PUM3: variants seen among roughly 807,000 people sequenced by gnomAD.
The protein encoded by PUM3 is pumilio RNA binding family member 3.
In PUM3, 91 loss-of-function variants were observed where a neutral mutation model predicts 84.0. That is an observed-to-expected ratio of 1.08 (90% CI 0.91 to 1.29). The LOEUF is 1.29. Ranked by LOEUF, PUM3 falls within the 50% of genes most tolerant of loss-of-function variation. The pLI is 0.00. For missense variants in PUM3, 1,067 were observed against 767.5 expected (o/e 1.39, Z -4.61); for synonymous variants, 321 against 266.7 (o/e 1.20, Z -1.98).
Position 2,838,523 on chromosome 9 carries a change from A to G in PUM3, c.-10-6T>C. 1 of 1,511,396 alleles carries G rather than the reference A, an allele frequency of 6.6e-7. No individual in the cohort carries two copies. The highest frequency in any genetic ancestry group is 9.2e-7 in the Non-Finnish European group (1 of 1,086,654). The allele number at this position is 1,511,396 out of a possible 1,614,324, so 93.6% of individuals were successfully genotyped here. A position where few individuals can be genotyped will look rare whatever the true frequency, so the allele number is the denominator to read the frequency against. On this transcript the variant is annotated splice_polypyrimidine_tract_variant and splice_region_variant and intron_variant, in intron 1 of 17. Transcript: ENST00000397885. The stretch of plus-strand genomic sequence containing the variant: ...TAACTTCCATCGTAGCAACTCTGGA[A>G]AACCAAAACCAAAACCAAAAACAAT...
chr9:2,832,737 G>C (rs1816018303), intron 5 of PUM3, among the ~76,000 whole-genome samples: 1 of 152,130 alleles, frequency 6.6e-6, no homozygotes, highest in Non-Finnish European at 1.5e-5. Context: ...CTGTAATATA[G>C]CATCTGGTTA....
In PUM3 at chr9:2,840,338, G is replaced by C. The variant is rs1233531658; in HGVS notation, c.-10-1821C>G. ...AATTAAGCTCCACTTCCCAGAAGGA[G>C]GGGTACTAAAGAATCCAGGCATACG... On this transcript the variant is annotated intron_variant, in intron 1 of 17. Transcript: ENST00000397885. Among the ~76,000 whole-genome samples the C allele has an allele frequency of 2.0e-5, 3 of 152,186 alleles. No individual in the cohort carries two copies. The South Asian group carries it at 6.2e-4, about 32-fold the overall frequency.
At chr9:2,843,705 A>C (rs1466730635) in intron 1 of PUM3, among the ~76,000 whole-genome samples, 1 of 150,838 alleles carries the variant, frequency 6.6e-6, no homozygotes, top group Non-Finnish European at 1.5e-5. Context: ...CAGCCTCCCA[A>C]GTAGCTGGGA....
intron 16 of PUM3, among the ~76,000 whole-genome samples, chr9:2,808,488 T>G (rs1365661370): frequency 6.6e-6 from 1 of 152,236 alleles, no homozygotes; most frequent in African/African-American, 2.4e-5. Flanking sequence ...TATTATCTTT[T>G]TCACTTTGCA....
rs567834624 is a variant in PUM3 at position 2,819,925 on chromosome 9, C to T, written c.1269+93G>A. ...AAAATACTGATAGAAGGCACAGCTG[C>T]AAGTCTTTACACATGCATGGTGAAA... is the stretch of plus-strand genomic sequence containing the variant. On this transcript the variant is annotated intron_variant, in intron 13 of 17. Transcript: ENST00000397885. 4.1e-6 allele frequency: 3 copies of T among 729,828 alleles called. No homozygotes were observed. In the African/African-American group the frequency reaches 5.2e-5, roughly 13 times the overall value. 45.2% of individuals were successfully genotyped at this position (729,828 alleles called of 1,614,324 possible). A position where few individuals can be genotyped will look rare whatever the true frequency, so the allele number is the denominator to read the frequency against.
At chr9:2,834,696 T>C (rs1474091610) in intron 3 of PUM3, among the ~76,000 whole-genome samples, 3 of 152,210 alleles carry the variant, frequency 2.0e-5, no homozygotes, top group Admixed American at 6.5e-5. Flanking sequence ...TTGAGCTCTC[T>C]ATCTGAGGCC....
chr9:2,815,289 C>T (rs1821448531), intron 13 of PUM3, among the ~76,000 whole-genome samples: 1 of 152,324 alleles, frequency 6.6e-6, no homozygotes, highest in Admixed American at 6.5e-5. Flanking sequence ...TTCCCCAGCT[C>T]ACCCTCGTTA....
At position 2,837,099 on chromosome 9, in the gene PUM3, G is replaced by A. The variant is rs535203102; in HGVS notation, c.304+81C>T. The A allele has an allele frequency of 9.4e-6, 11 of 1,164,164 alleles. No homozygotes were observed. The African/African-American group carries it at 1.7e-4, about 18-fold the overall frequency. 72.1% of individuals were successfully genotyped at this position (1,164,164 alleles called of 1,614,324 possible). ...ATGTTACCTGCCAAGGAATAAGAAT[G>A]TGAGGTTTCTAACGCACCTCCAGAG... On this transcript the variant is annotated intron_variant, in intron 3 of 17. Transcript: ENST00000397885.
chr9:2,820,249 A>G, intron 12 of PUM3, 151 bp from the exon 13 acceptor site: 1 of 516,054 alleles, frequency 1.9e-6, no homozygotes, highest in Non-Finnish European at 3.5e-6. Context: ...CTTGTCTAAC[A>G]TAACAAGATG....
At chr9:2,842,051 T>C (rs1816280279) in intron 1 of PUM3, among the ~76,000 whole-genome samples, 1 of 152,202 alleles carries the variant, frequency 6.6e-6, no homozygotes, top group African/African-American at 2.4e-5. Flanking sequence ...TCCTGTTTTG[T>C]CTTTTCCAGA....
chr9:2,837,081 C>T, intron 3 of PUM3, 99 bp downstream of exon 3: 1 of 1,004,070 alleles, frequency 1.0e-6, no homozygotes, highest in Non-Finnish European at 1.5e-6. Context: ...AAAATGTTAC[C>T]TGCCAAGGAA....
At chr9:2,827,463 A>G (rs1485444678) in intron 9 of PUM3, among the ~76,000 whole-genome samples, 2 of 152,316 alleles carry the variant, frequency 1.3e-5, no homozygotes, top group East Asian at 1.9e-4. Context: ...TTTTTCCCCC[A>G]GCACTGGACA....
chr9:2,842,383 G>C (rs12345409), intron 1 of PUM3, among the ~76,000 whole-genome samples: 8,389 of 152,074 alleles, frequency 0.055, 296 homozygotes, highest in African/African-American at 0.094. Flanking sequence ...ACTGCCTTCA[G>C]GAAAAAGTTC....
intron 10 of PUM3, among the ~76,000 whole-genome samples, chr9:2,825,701 C>T (rs894562802): frequency 2.0e-5 from 3 of 152,000 alleles, no homozygotes; most frequent in Admixed American, 1.3e-4. Flanking sequence ...AGGCTGGTCT[C>T]GAACTACTGA....
At chr9:2,826,088 T>C (rs1815812117) in intron 10 of PUM3, among the ~76,000 whole-genome samples, 1 of 151,676 alleles carries the variant, frequency 6.6e-6, no homozygotes, top group African/African-American at 2.4e-5. Flanking sequence ...ATGCTTCCAT[T>C]TTCCCCGAAG....
chr9:2,827,905 T>C (rs964330239), intron 9 of PUM3, among the ~76,000 whole-genome samples: 3 of 152,150 alleles, frequency 2.0e-5, no homozygotes, highest in Non-Finnish European at 4.4e-5. Context: ...CAGTTAGTAA[T>C]AGTTGGGGGA....
chr9:2,810,363 C>T lies in PUM3; in HGVS notation c.1704G>A (p.Met568Ile), dbSNP rs1821340155. ...LKWLIEQDKK[M>I]KENGREGCFA... ...GCCTACCTTCTCTCCCATTTTCTTT[C>T]ATCTTTTTATCTTGCTCTATTAACC... Residue 568 changes from methionine to isoleucine, a missense_variant, in exon 16 of 18, where the codon ATG becomes ATA. By Grantham distance (10) the Met-to-Ile change is conservative (BLOSUM62 1). Coordinates refer to ENST00000397885, the MANE Select transcript of PUM3 (RefSeq NM_014878.5). 1 of 1,608,040 alleles carries T rather than the reference C, an allele frequency of 6.2e-7. No homozygotes were observed. The highest frequency in any genetic ancestry group is 2.2e-5 in the East Asian group (1 of 44,824).
intron 5 of PUM3, 87 bp from the exon 6 acceptor site, chr9:2,831,431 G>T: frequency 1.2e-6 from 1 of 844,578 alleles, no homozygotes; most frequent in Non-Finnish European, 1.9e-6. Flanking sequence ...GGAATTTCTT[G>T]TTAGAAAAAA....
chr9:2,828,785 C>T lies in PUM3; in HGVS notation c.853-7G>A. On this transcript the variant is annotated splice_polypyrimidine_tract_variant and splice_region_variant and intron_variant, in intron 8 of 17. Transcript: ENST00000397885. Reference sequence around the variant, plus strand: ...GAGTTCGGTGATCTGCTGACTGCAACAAAACAAAACAATCAAACCCCTCTA... The same window carrying T: ...GAGTTCGGTGATCTGCTGACTGCAATAAAACAAAACAATCAAACCCCTCTA... 2.1e-6 allele frequency: 3 copies of T among 1,451,830 alleles called. No homozygotes were observed. Among genetic ancestry groups the T allele is most frequent in the Non-Finnish European group, 2.9e-6 (3 of 1,035,182 alleles). 89.9% of individuals were successfully genotyped at this position (1,451,830 alleles called of 1,614,324 possible).
Sources: allele counts gnomAD v4.1 joint callset (sites outside exome capture counted in the v4.1 genomes callset), GRCh38; gene constraint gnomAD v4.1.1; transcripts MANE v1.5; gene names NCBI Gene and HGNC (gene_info 2026-07-23, HGNC 2026-07-21).